The following ADAMTS19 variants were observed in gnomAD, a reference collection of about 807,000 sequenced individuals.
The protein encoded by ADAMTS19 is ADAM metallopeptidase with thrombospondin type 1 motif 19.
Under a neutral mutation model 153.3 loss-of-function variants are expected in ADAMTS19, and 93 were observed. The observed-to-expected ratio is 0.61, with a 90% CI of 0.51 to 0.72. The LOEUF is 0.72. Among genes scored for constraint, ADAMTS19 ranks in the 30% least tolerant of loss-of-function variants. The pLI is 0.00. For missense variants in ADAMTS19, 1,482 were observed against 1,552.1 expected, an observed-to-expected ratio of 0.95 and a Z score of 0.76; for synonymous variants, 600 against 556.6, an observed-to-expected ratio of 1.08 and a Z score of -1.10.
intron 6 of ADAMTS19, among the ~76,000 whole-genome samples, chr5:129,533,588 A>G (rs1215456200): frequency 1.3e-5 from 2 of 151,860 alleles, no homozygotes; most frequent in East Asian, 3.9e-4. Context: ...TTGAGTCTCT[A>G]TTTCCTTCAG....
chr5:129,667,804 G>A (rs1424901356), intron 16 of ADAMTS19, among the ~76,000 whole-genome samples: 2 of 152,150 alleles, frequency 1.3e-5, no homozygotes, highest in African/African-American at 4.8e-5. Context: ...TGATAGCAGT[G>A]CAAGAACAGC....
intron 15 of ADAMTS19, among the ~76,000 whole-genome samples, chr5:129,661,788 C>T (rs1395194207): frequency 6.6e-6 from 1 of 152,070 alleles, no homozygotes; most frequent in Non-Finnish European, 1.5e-5. Flanking sequence ...AGAAAATGGG[C>T]ATAAAAAATG....
At chr5:129,686,763 G>A (rs17680717) in intron 18 of ADAMTS19, among the ~76,000 whole-genome samples, 1 of 152,152 alleles carries the variant, frequency 6.6e-6, no homozygotes, top group Admixed American at 6.5e-5. Context: ...GCAACATCAG[G>A]GGCAGAGGAA....
chr5:129,702,927 G>GA (rs1420236094), intron 20 of ADAMTS19, among the ~76,000 whole-genome samples: 1 of 13,030 alleles, frequency 7.7e-5, no homozygotes, highest in African/African-American at 2.8e-4. Context: ...AGTTTGACTT[G>GA]CCAAAAAAAA....
At position 129,738,663 on chromosome 5, in the gene ADAMTS19, T is replaced by G. The variant is rs183089562; in HGVS notation, c.*1445T>G. 1.3e-5 allele frequency: 2 copies of G among 152,170 alleles called. No homozygotes were observed. The highest frequency in any genetic ancestry group is 6.6e-5 in the Admixed American group (1 of 15,244). The allele number at this position is 152,170 out of a possible 1,614,324, so 9.4% of individuals were successfully genotyped here. A position where few individuals can be genotyped will look rare whatever the true frequency, so the allele number is the denominator to read the frequency against. On this transcript the variant is annotated 3_prime_UTR_variant, in exon 23 of 23. Coordinates refer to ENST00000274487, the MANE Select transcript of ADAMTS19 (RefSeq NM_133638.6). ...TGGCTACTACTATCGCTGTGAGTAA[T>G]AAAGTCCTTTGTGTCTAATGCAGGA...
intron 8 of ADAMTS19, among the ~76,000 whole-genome samples, chr5:129,610,343 GGTTT>G (rs1751142119): frequency 6.6e-6 from 1 of 151,974 alleles, no homozygotes; most frequent in African/African-American, 2.4e-5. Context: ...ACAATGTGCA[GGTTT>G]GTTACATATG....
chr5:129,529,186 T>C (rs1299430777), intron 6 of ADAMTS19, among the ~76,000 whole-genome samples: 3 of 152,092 alleles, frequency 2.0e-5, no homozygotes, highest in African/African-American at 7.2e-5. Context: ...TGTAAATAAA[T>C]GTAAGTGAAA....
chr5:129,679,230 G>A (rs554880830), intron 16 of ADAMTS19, among the ~76,000 whole-genome samples: 1 of 152,102 alleles, frequency 6.6e-6, no homozygotes, highest in East Asian at 1.9e-4. Flanking sequence ...AAAGGTCCTG[G>A]GTCTGTTTTT....
At chr5:129,504,930 A>G (rs1751224367) in intron 2 of ADAMTS19, among the ~76,000 whole-genome samples, 1 of 151,330 alleles carries the variant, frequency 6.6e-6, no homozygotes. Context: ...TCATCTGTTA[A>G]TGGACACTTA....
chr5:129,476,164 G>A (rs1184020507), intron 2 of ADAMTS19, among the ~76,000 whole-genome samples: 1 of 151,862 alleles, frequency 6.6e-6, no homozygotes, highest in African/African-American at 2.4e-5. Context: ...AAACACAATA[G>A]TGGAGTCTTG....
intron 15 of ADAMTS19, among the ~76,000 whole-genome samples, chr5:129,661,109 T>TA (rs1162746677): frequency 1.3e-5 from 2 of 152,216 alleles, no homozygotes; most frequent in Non-Finnish European, 2.9e-5. Context: ...CCTGAAGTGA[T>TA]ACCTGCTATG....
chr5:129,606,365 G>A (rs1402148280), intron 8 of ADAMTS19, among the ~76,000 whole-genome samples: 1 of 152,160 alleles, frequency 6.6e-6, no homozygotes, highest in Non-Finnish European at 1.5e-5. Context: ...TGAGACATCT[G>A]AGCCATCTTT....
chr5:129,589,309 C>CT (rs781410701), intron 7 of ADAMTS19, among the ~76,000 whole-genome samples: 11 of 151,408 alleles, frequency 7.3e-5, no homozygotes, highest in Non-Finnish European at 1.3e-4. Context: ...TTTTGTAGCA[C>CT]TTTTTTTACT....
intron 4 of ADAMTS19, 76 bp downstream of exon 4, chr5:129,526,532 A>T: frequency 1.5e-6 from 2 of 1,357,948 alleles, no homozygotes; most frequent in Non-Finnish European, 2.0e-6. Context: ...ATTTATAATG[A>T]AATTCTTTAA....
chr5:129,585,283 G>A (rs1031454636), intron 7 of ADAMTS19, among the ~76,000 whole-genome samples: 5 of 151,668 alleles, frequency 3.3e-5, no homozygotes, highest in South Asian at 2.1e-4. Flanking sequence ...GAAAATCAGC[G>A]ATCACCCACT....
chr5:129,528,413 C>A, intron 5 of ADAMTS19, 107 bp from the exon 6 acceptor site: 1 of 816,560 alleles, frequency 1.2e-6, no homozygotes, highest in Non-Finnish European at 1.8e-6. Context: ...TTATGGTCAG[C>A]AGTTTGCTTT....
At chr5:129,491,417 G>GA in intron 2 of ADAMTS19, among the ~76,000 whole-genome samples, 1 of 152,082 alleles carries the variant, frequency 6.6e-6, no homozygotes, top group Non-Finnish European at 1.5e-5. Context: ...AGATGACTGT[G>GA]AAAAGCATTC....
intron 6 of ADAMTS19, among the ~76,000 whole-genome samples, chr5:129,531,423 A>G (rs1055959693): frequency 2.0e-5 from 3 of 152,152 alleles, no homozygotes; most frequent in Non-Finnish European, 4.4e-5. Flanking sequence ...CCAGGGATTC[A>G]AGACCAGCCT....
At chr5:129,510,686 A>C (rs79859712) in intron 3 of ADAMTS19, among the ~76,000 whole-genome samples, 2 of 151,796 alleles carry the variant, frequency 1.3e-5, no homozygotes, top group African/African-American at 4.8e-5. Flanking sequence ...CTTTTGAATA[A>C]TTGTTAAGTT....
Sources: gnomAD v4.1 joint callset for allele counts (sites outside exome capture counted in the v4.1 genomes callset) on GRCh38, gnomAD v4.1.1 for gene constraint, MANE v1.5 for transcripts, NCBI Gene and HGNC (gene_info 2026-07-23, HGNC 2026-07-21) for gene names.